NUP214: variants seen among roughly 807,000 people sequenced by gnomAD.
The protein encoded by NUP214 is nuclear pore complex protein Nup214.
Under a neutral mutation model 196.2 loss-of-function variants are expected in NUP214, and 79 were observed. That is an observed-to-expected ratio of 0.40 (90% CI 0.34 to 0.49). NUP214 has a LOEUF of 0.49. Ranked by LOEUF, NUP214 falls within the 20% of genes least tolerant of loss-of-function variation. NUP214 has a pLI of 0.58. For missense variants in NUP214, 2,468 were observed against 2,539.0 expected (o/e 0.97, Z 0.60); for synonymous variants, 1,020 against 990.5 (o/e 1.03, Z -0.56).
chr9:131,222,144 A>G (rs1401686561), intron 31 of NUP214, among the ~76,000 whole-genome samples: 1 of 152,240 alleles, frequency 6.6e-6, no homozygotes, highest in Non-Finnish European at 1.5e-5. Flanking sequence ...AAGTCTTGCT[A>G]GCCTCTTTAA....
intron 27 of NUP214, among the ~76,000 whole-genome samples, chr9:131,194,749 G>A (rs1361382195): frequency 6.6e-6 from 1 of 152,194 alleles, no homozygotes; most frequent in Non-Finnish European, 1.5e-5. Context: ...TGTATCCATT[G>A]TTTTCCCTAG....
intron 21 of NUP214, among the ~76,000 whole-genome samples, chr9:131,168,312 C>A (rs1275318372): frequency 1.3e-5 from 2 of 152,128 alleles, no homozygotes; most frequent in Non-Finnish European, 2.9e-5. Flanking sequence ...TAGGTATGCA[C>A]CTTTATTATC....
chr9:131,193,597 G>A (rs1385280796), intron 27 of NUP214, among the ~76,000 whole-genome samples: 4 of 113,500 alleles, frequency 3.5e-5, no homozygotes, highest in African/African-American at 1.3e-4. Context: ...CTAATAATCA[G>A]TCTTCTGTGA....
At chr9:131,180,571 A>G (rs1833245130) in intron 24 of NUP214, among the ~76,000 whole-genome samples, 1 of 152,118 alleles carries the variant, frequency 6.6e-6, no homozygotes, top group Non-Finnish European at 1.5e-5. Context: ...GAGCTTACAT[A>G]TTTCTGCCAT....
chr9:131,127,744 A>G (rs766248170), intron 2 of NUP214, 25 bp downstream of exon 2: 2 of 1,557,010 alleles, frequency 1.3e-6, no homozygotes, highest in Non-Finnish European at 1.8e-6. Context: ...TTATGTTGCA[A>G]AGTAGAGAGA....
Position 131,198,389 on chromosome 9 carries a change from C to G in NUP214, c.4895C>G (p.Ala1632Gly). 1 of 1,614,246 alleles carries G rather than the reference C, an allele frequency of 6.2e-7. No homozygotes were observed. Among genetic ancestry groups the G allele is most frequent in the South Asian group, 1.1e-5 (1 of 91,084 alleles). The stretch of plus-strand genomic sequence containing the variant: ...GTTGCTCCCGGCCCATCTGCAGAGG[C>G]AGCAGCATTTGGTACCGTCACTTCT... Reference protein sequence around the residue: ...SIVAPGPSAEAAAFGTVTSGS... With the variant: ...SIVAPGPSAEGAAFGTVTSGS... The change falls in exon 29 of 36, where the codon GCA becomes GGA. Residue 1632 changes from alanine to glycine, a missense_variant. By Grantham distance (60) the Ala-to-Gly change is moderately conservative. Coordinates refer to ENST00000359428, the MANE Select transcript of NUP214 (RefSeq NM_005085.4).
intron 21 of NUP214, among the ~76,000 whole-genome samples, chr9:131,165,828 T>C (rs1408909014): frequency 6.6e-6 from 1 of 152,238 alleles, no homozygotes; most frequent in Non-Finnish European, 1.5e-5. Flanking sequence ...TAAGTGAACC[T>C]TGAGGACATT....
chr9:131,199,843 T>C (rs1340172850), intron 29 of NUP214, among the ~76,000 whole-genome samples: 1 of 152,218 alleles, frequency 6.6e-6, no homozygotes, highest in Non-Finnish European at 1.5e-5. Flanking sequence ...AAATGGTTCA[T>C]AATTTATTAG....
chr9:131,126,636 C>T (rs1831362621), intron 1 of NUP214, among the ~76,000 whole-genome samples: 1 of 151,600 alleles, frequency 6.6e-6, no homozygotes. Context: ...CAACCTCCAC[C>T]TCCCCGGCTC....
At chr9:131,145,600 T>C (rs1213164009) in intron 12 of NUP214, among the ~76,000 whole-genome samples, 1 of 152,260 alleles carries the variant, frequency 6.6e-6, no homozygotes, top group African/African-American at 2.4e-5. Context: ...AGTCATCTAA[T>C]GCTGGAGTTT....
chr9:131,174,401 T>C (rs1251495048), intron 22 of NUP214, 83 bp downstream of exon 22: 8 of 1,330,728 alleles, frequency 6.0e-6, no homozygotes, highest in Non-Finnish European at 7.2e-6. Flanking sequence ...TCTTATACTG[T>C]CACACCAATA....
At chr9:131,173,911 C>G in intron 21 of NUP214, 144 bp from the exon 22 acceptor site, 1 of 1,086,492 alleles carries the variant, frequency 9.2e-7, no homozygotes, top group Non-Finnish European at 1.3e-6. Flanking sequence ...TCACATTTGA[C>G]AATACCTGCT....
Position 131,174,115 on chromosome 9 carries a change from G to T in NUP214, c.2954G>T (p.Ser985Ile). 6.2e-7 allele frequency: 1 copy of T among 1,613,804 alleles called. No homozygotes were observed. Among genetic ancestry groups the T allele is most frequent in the Non-Finnish European group, 8.5e-7 (1 of 1,179,918 alleles). The change falls in exon 22 of 36, where the codon AGC (serine) becomes ATC (isoleucine). Residue 985 changes from serine to isoleucine, a missense_variant. By Grantham distance (142) the Ser-to-Ile change is moderately radical. Transcript: ENST00000359428. ...QRYYEDLDEVSSTSSVSQSLE... is the reference protein window; with the variant it reads ...QRYYEDLDEVISTSSVSQSLE... ...TATTATGAAGACTTGGATGAAGTCA[G>T]CTCAACGTCATCTGTCTCCCAGTCT...
intron 17 of NUP214, among the ~76,000 whole-genome samples, chr9:131,154,125 G>A (rs1183292194): frequency 6.6e-6 from 1 of 152,014 alleles, no homozygotes; most frequent in Non-Finnish European, 1.5e-5. Context: ...TTGCTACTAA[G>A]GTTACTTCTA....
At chr9:131,192,635 G>A (rs184079409) in intron 27 of NUP214, 1 of 184,674 alleles carries the variant, frequency 5.4e-6, no homozygotes, top group East Asian at 1.6e-4. Context: ...GGGGCTAGAT[G>A]TGACATTCAA....
intron 33 of NUP214, chr9:131,229,993 A>G: frequency 3.0e-6 from 1 of 338,816 alleles, no homozygotes. Flanking sequence ...TTCCTCTGCA[A>G]ACAATTCAAG....
At chr9:131,130,899 G>C (rs568088913) in intron 5 of NUP214, 63 bp downstream of exon 5, 68 of 1,314,226 alleles carry the variant, frequency 5.2e-5, no homozygotes, top group Non-Finnish European at 7.1e-5. Context: ...GGGGTGGTTT[G>C]GGAGTATCTT....
chr9:131,229,722 A>G (rs773481920), intron 33 of NUP214: 6 of 518,914 alleles, frequency 1.2e-5, no homozygotes, highest in East Asian at 5.4e-5. Context: ...ATGAGGCCCA[A>G]GGCAGGAGGA....
intron 27 of NUP214, chr9:131,194,258 C>T (rs78857773): frequency 0.047 from 7,073 of 151,270 alleles, 253 homozygotes; most frequent in African/African-American, 0.1. Flanking sequence ...AACCTCCACC[C>T]CCAGGACTGA....
Sources: allele counts gnomAD v4.1 joint callset (sites outside exome capture counted in the v4.1 genomes callset), GRCh38; gene constraint gnomAD v4.1.1; transcripts MANE v1.5; gene names NCBI Gene and HGNC (gene_info 2026-07-23, HGNC 2026-07-21).